Variants in PDE7B observed in about 807,000 individuals in gnomAD.
The protein encoded by PDE7B is phosphodiesterase 7B, also known as 3',5'-cyclic-AMP phosphodiesterase 7B.
A neutral mutation model predicts 56.2 loss-of-function variants in PDE7B; 29 were observed. The ratio of observed to expected loss-of-function variants is 0.52; its 90% CI spans 0.38 to 0.70. PDE7B has a LOEUF of 0.70. Among genes scored for constraint, PDE7B ranks in the 30% least tolerant of loss-of-function variants. The pLI is 0.00. For missense variants in PDE7B, 490 were observed against 565.0 expected, an observed-to-expected ratio of 0.87 and a Z score of 1.35; for synonymous variants, 197 against 196.9, an observed-to-expected ratio of 1.00 and a Z score of 0.00.
chr6:136,071,977 A>G (rs1192076823), intron 2 of PDE7B, among the ~76,000 whole-genome samples: 2 of 152,156 alleles, frequency 1.3e-5, no homozygotes, highest in Non-Finnish European at 2.9e-5. Context: ...AGCATCTATT[A>G]TGTTTTAAGA....
At chr6:135,911,045 A>G (rs917295286) in intron 1 of PDE7B, among the ~76,000 whole-genome samples, 1 of 152,216 alleles carries the variant, frequency 6.6e-6, no homozygotes, top group Non-Finnish European at 1.5e-5. Flanking sequence ...GTGTACATAA[A>G]TCTTTCACAG....
intron 3 of PDE7B, among the ~76,000 whole-genome samples, chr6:136,140,014 C>T (rs1453208532): frequency 1.3e-5 from 2 of 152,156 alleles, no homozygotes; most frequent in Non-Finnish European, 2.9e-5. Flanking sequence ...GTTGCCATTG[C>T]TTTTGGTGTT....
chr6:136,179,563 A>T (rs944831394), intron 10 of PDE7B, among the ~76,000 whole-genome samples: 2 of 152,226 alleles, frequency 1.3e-5, no homozygotes, highest in Non-Finnish European at 2.9e-5. Flanking sequence ...TCAGTAACTG[A>T]TTTATCACAG....
chr6:135,950,251 C>G (rs1469814354), intron 2 of PDE7B, among the ~76,000 whole-genome samples: 1 of 152,086 alleles, frequency 6.6e-6, no homozygotes, highest in Non-Finnish European at 1.5e-5. Flanking sequence ...GAAAGAATAT[C>G]TATATTAACA....
chr6:136,086,419 C>T (rs1777293014), intron 2 of PDE7B, among the ~76,000 whole-genome samples: 1 of 151,968 alleles, frequency 6.6e-6, no homozygotes, highest in Non-Finnish European at 1.5e-5. Context: ...GGAAGAGGCT[C>T]CCCCTGTACA....
At chr6:136,039,272 C>T (rs1198563749) in intron 2 of PDE7B, among the ~76,000 whole-genome samples, 1 of 151,834 alleles carries the variant, frequency 6.6e-6, no homozygotes, top group Non-Finnish European at 1.5e-5. Flanking sequence ...CAAGGGGCTT[C>T]GTAAACTAAG....
chr6:135,899,909 A>G (rs553193150), intron 1 of PDE7B, among the ~76,000 whole-genome samples: 1 of 152,256 alleles, frequency 6.6e-6, no homozygotes, highest in East Asian at 1.9e-4. Context: ...ACATCCTTTA[A>G]TGTCAAAATT....
chr6:136,041,076 ATTGAT>A (rs933385222), intron 2 of PDE7B, among the ~76,000 whole-genome samples: 1 of 152,214 alleles, frequency 6.6e-6, no homozygotes, highest in Non-Finnish European at 1.5e-5. Flanking sequence ...GTGGTAATGA[ATTGAT>A]TTAACTTTTT....
In PDE7B at chr6:136,009,479, C is replaced by T. The variant is rs182664209; in HGVS notation, c.82+61955C>T. On this transcript the variant is annotated intron_variant, in intron 2 of 12. Transcript: ENST00000308191. Reference sequence around the variant, plus strand: ...TTCCTACTCATGAGCATGGAATGTTCTTCCATTTGTCTGTATCCTCTTTTA... The same window carrying T: ...TTCCTACTCATGAGCATGGAATGTTTTTCCATTTGTCTGTATCCTCTTTTA... Among the ~76,000 whole-genome samples, 207 of 152,178 alleles carry T rather than the reference C, an allele frequency of 1.4e-3. 1 individual carries two copies. Among genetic ancestry groups the T allele is most frequent in the South Asian group, 2.9e-3 (14 of 4,816 alleles).
At chr6:136,120,414 A>T (rs1006973457) in intron 3 of PDE7B, among the ~76,000 whole-genome samples, 1 of 152,144 alleles carries the variant, frequency 6.6e-6, no homozygotes, top group Non-Finnish European at 1.5e-5. Flanking sequence ...AGCTGAAATC[A>T]TGGTGAGAAG....
chr6:136,003,570 A>G (rs1289299488), intron 2 of PDE7B, among the ~76,000 whole-genome samples: 1 of 152,216 alleles, frequency 6.6e-6, no homozygotes, highest in African/African-American at 2.4e-5. Flanking sequence ...AATACTACAA[A>G]CACCTCTATG....
At chr6:136,152,335 T>A (rs1230046791) in intron 6 of PDE7B, among the ~76,000 whole-genome samples, 2 of 152,202 alleles carry the variant, frequency 1.3e-5, no homozygotes, top group African/African-American at 2.4e-5. Flanking sequence ...ATAGGCTTTT[T>A]AAAAAATAAT....
chr6:135,899,722 A>AT (rs1775966187), intron 1 of PDE7B, among the ~76,000 whole-genome samples: 1 of 151,942 alleles, frequency 6.6e-6, no homozygotes, highest in South Asian at 2.1e-4. Context: ...TGGATTTCTA[A>AT]TTTTGTTTAT....
chr6:136,184,041 G>A (rs1467117799), intron 11 of PDE7B, among the ~76,000 whole-genome samples: 6 of 152,142 alleles, frequency 3.9e-5, no homozygotes, highest in Non-Finnish European at 8.8e-5. Flanking sequence ...TCTCAACCTA[G>A]TTTCCTAGAA....
intron 4 of PDE7B, among the ~76,000 whole-genome samples, chr6:136,148,058 T>G (rs1583908405): frequency 6.6e-6 from 1 of 152,236 alleles, no homozygotes; most frequent in Non-Finnish European, 1.5e-5. Context: ...CTGAAAAAAG[T>G]GTTCAGGTTA....
At chr6:135,917,646 T>C (rs1438180972) in intron 1 of PDE7B, among the ~76,000 whole-genome samples, 1 of 152,186 alleles carries the variant, frequency 6.6e-6, no homozygotes, top group Non-Finnish European at 1.5e-5. Context: ...ATTTTTCATT[T>C]CCTTTGCACA....
rs577982608 is a variant in PDE7B at position 136,148,365 on chromosome 6, GAAGGA to G, written c.319-718_319-714del. Among the ~76,000 whole-genome samples the G allele has an allele frequency of 4.3e-4, 58 of 135,132 alleles. No individual in the cohort carries two copies. The South Asian group carries it at 0.014, about 33-fold the overall frequency. 88.7% of individuals were successfully genotyped at this position (135,132 alleles called of 152,430 possible). ...AGTGAGACCAGGTCTCAAAAAGAAA[GAAGGA>G]AAGAAAAGAAAAGAAAGAAGGAAAG... is the stretch of plus-strand genomic sequence containing the variant. On this transcript the variant is annotated intron_variant, in intron 4 of 12. Transcript: ENST00000308191.
intron 2 of PDE7B, among the ~76,000 whole-genome samples, chr6:136,068,325 AG>A (rs1052681385): frequency 1.5e-4 from 23 of 152,182 alleles, no homozygotes; most frequent in African/African-American, 5.3e-4. Context: ...GTGGATTCAA[AG>A]ATTTTCTGAT....
At chr6:136,152,770 C>T (rs1295215679) in intron 6 of PDE7B, among the ~76,000 whole-genome samples, 1 of 152,122 alleles carries the variant, frequency 6.6e-6, no homozygotes, top group African/African-American at 2.4e-5. Context: ...GACTTAATGC[C>T]ATCAGAAGAA....
Sources: allele counts gnomAD v4.1 joint callset (sites outside exome capture counted in the v4.1 genomes callset), GRCh38; gene constraint gnomAD v4.1.1; transcripts MANE v1.5; gene names NCBI Gene and HGNC (gene_info 2026-07-23, HGNC 2026-07-21).